C1orf21: variants seen among roughly 807,000 people sequenced by gnomAD.
The protein encoded by C1orf21 is chromosome 1 open reading frame 21.
In C1orf21, 3 loss-of-function variants were observed where a neutral mutation model predicts 18.7. The ratio of observed to expected loss-of-function variants is 0.16; its 90% CI spans 0.07 to 0.42. The LOEUF (loss-of-function observed/expected upper bound fraction) is 0.42, where lower values mean the gene tolerates loss of function less well. Ranked by LOEUF, C1orf21 falls within the 10% of genes least tolerant of loss-of-function variation. C1orf21 has a pLI of 0.99. For synonymous variants in C1orf21, 41 were observed against 46.4 expected (o/e 0.88, Z 0.47); for missense variants, 104 against 143.6 (o/e 0.72, Z 1.41).
chr1:184,559,765 A>T (rs1365300361), intron 3 of C1orf21, among the ~76,000 whole-genome samples: 1 of 151,986 alleles, frequency 6.6e-6, no homozygotes. Context: ...CTACAGGTGC[A>T]TGCCACCATG....
Position 184,621,535 on chromosome 1 carries a change from G to C in C1orf21, c.*1979G>C, listed in dbSNP as rs752680487. On this transcript the variant is annotated 3_prime_UTR_variant, in exon 6 of 6. Transcript: ENST00000235307. ...TTGTTCACTGGGGACTTTGCTTACC[G>C]TTCTGTGGGTGACCTTTTCCGGGAT... 1 of 152,566 alleles carries C rather than the reference G, an allele frequency of 6.6e-6. No homozygotes were observed. Among genetic ancestry groups the C allele is most frequent in the East Asian group, 1.9e-4 (1 of 5,194 alleles). The allele number at this position is 152,566 out of a possible 1,614,324, so 9.5% of individuals were successfully genotyped here. A position where few individuals can be genotyped will look rare whatever the true frequency, so the allele number is the denominator to read the frequency against.
chr1:184,401,788 AAAC>A (rs1656156802), intron 1 of C1orf21, among the ~76,000 whole-genome samples: 1 of 151,726 alleles, frequency 6.6e-6, no homozygotes, highest in East Asian at 1.9e-4. Context: ...CAAAAAAAAA[AAAC>A]CCAGGTGAAA....
At chr1:184,488,798 C>G (rs1408776142) in intron 2 of C1orf21, among the ~76,000 whole-genome samples, 1 of 152,168 alleles carries the variant, frequency 6.6e-6, no homozygotes, top group Non-Finnish European at 1.5e-5. Flanking sequence ...AATCCTGTCT[C>G]TACTAAAATA....
chr1:184,491,971 A>G (rs1657822704), intron 2 of C1orf21, among the ~76,000 whole-genome samples: 1 of 152,246 alleles, frequency 6.6e-6, no homozygotes, highest in African/African-American at 2.4e-5. Flanking sequence ...AGCATGATGC[A>G]GAGTTTGACA....
intron 3 of C1orf21, among the ~76,000 whole-genome samples, chr1:184,529,519 G>C (rs1009338996): frequency 6.6e-6 from 1 of 152,292 alleles, no homozygotes. Context: ...TACTTAACAG[G>C]AAGTTGCATA....
At chr1:184,410,652 TATATATATATA>T (rs1449802142) in intron 1 of C1orf21, among the ~76,000 whole-genome samples, 132 of 7,138 alleles carry the variant, frequency 0.018, 14 homozygotes, top group South Asian at 0.029. Flanking sequence ...TATATATATA[TATATATATATA>T]TTTTTTTTTT....
At chr1:184,407,908 G>A (rs1424490662) in intron 1 of C1orf21, among the ~76,000 whole-genome samples, 1 of 152,174 alleles carries the variant, frequency 6.6e-6, no homozygotes, top group African/African-American at 2.4e-5. Flanking sequence ...GTTTGAAAAG[G>A]TCCCATGGTC....
At chr1:184,587,849 A>G (rs1331171778) in intron 3 of C1orf21, among the ~76,000 whole-genome samples, 1 of 152,030 alleles carries the variant, frequency 6.6e-6, no homozygotes, top group Admixed American at 6.6e-5. Context: ...TCCTGACCTC[A>G]CATAATCTGC....
intron 3 of C1orf21, among the ~76,000 whole-genome samples, chr1:184,509,861 A>G (rs761568881): frequency 2.6e-5 from 4 of 152,190 alleles, no homozygotes; most frequent in Non-Finnish European, 5.9e-5. Context: ...GTATGGCATG[A>G]TGGTGAGGAC....
chr1:184,415,486 T>C lies in C1orf21; in HGVS notation c.-125+28118T>C, dbSNP rs529892787. ...GCTTATTTTGCGTGTTCTGTTCTGATGGAGGTGGTCTGTGAGCCACATTGC... is the reference window on the plus strand; with the variant it reads ...GCTTATTTTGCGTGTTCTGTTCTGACGGAGGTGGTCTGTGAGCCACATTGC... On this transcript the variant is annotated intron_variant, in intron 1 of 5. Transcript: ENST00000235307. 1.9e-4 allele frequency among the ~76,000 whole-genome samples: 29 copies of C among 152,330 alleles called. 1 individual carries two copies. In the South Asian group the frequency reaches 6.0e-3, roughly 32 times the overall value.
chr1:184,556,067 C>G (rs1658874758), intron 3 of C1orf21, among the ~76,000 whole-genome samples: 1 of 152,120 alleles, frequency 6.6e-6, no homozygotes, highest in South Asian at 2.1e-4. Context: ...CCCTCACCAC[C>G]CCCCCAACCC....
At chr1:184,410,649 ATATATATATATATAT>A (rs1428450129) in intron 1 of C1orf21, among the ~76,000 whole-genome samples, 103 of 5,592 alleles carry the variant, frequency 0.018, 32 homozygotes, top group African/African-American at 0.1. Flanking sequence ...ATATATATAT[ATATATATATATATAT>A]TTTTTTTTTT....
chr1:184,616,278 T>G (rs1558015814), intron 5 of C1orf21, among the ~76,000 whole-genome samples: 3 of 152,224 alleles, frequency 2.0e-5, no homozygotes, highest in Non-Finnish European at 4.4e-5. Flanking sequence ...TTGAATTTAG[T>G]TACCAAATCA....
At position 184,595,314 on chromosome 1, in the gene C1orf21, A is replaced by G. The variant is rs577645632; in HGVS notation, c.267-3087A>G. On this transcript the variant is annotated intron_variant, in intron 4 of 5. Transcript: ENST00000235307. ...CAGTGATCCTTTTCTAATATCTTGA[A>G]AAAAGAAAAGCCAGTGAGCTTTTCC... Among the ~76,000 whole-genome samples, 6 of 152,356 alleles carry G rather than the reference A, an allele frequency of 3.9e-5. No individual in the cohort carries two copies. In the South Asian group the frequency reaches 1.0e-3, roughly 26 times the overall value.
At chr1:184,532,989 A>G (rs1658490186) in intron 3 of C1orf21, among the ~76,000 whole-genome samples, 2 of 152,198 alleles carry the variant, frequency 1.3e-5, no homozygotes, top group Non-Finnish European at 2.9e-5. Flanking sequence ...TCTTACCACC[A>G]TCATGAGTAT....
intron 3 of C1orf21, among the ~76,000 whole-genome samples, chr1:184,554,237 A>G (rs986775382): frequency 6.6e-6 from 1 of 152,136 alleles, no homozygotes; most frequent in Admixed American, 6.5e-5. Flanking sequence ...GTAATTTGTA[A>G]GGGATCTATA....
At chr1:184,499,209 T>C (rs1657936596) in intron 2 of C1orf21, among the ~76,000 whole-genome samples, 1 of 152,150 alleles carries the variant, frequency 6.6e-6, no homozygotes, top group Non-Finnish European at 1.5e-5. Context: ...AAAATATCCT[T>C]GATTTTATTG....
Position 184,627,954 on chromosome 1 carries a change from A to G in C1orf21, c.*8398A>G, listed in dbSNP as rs1660044600. ...GAAGGGATCAAAATGCCTCCATGCC[A>G]GTTGTTAATGGCTACATATTTGCCC... is the stretch of plus-strand genomic sequence containing the variant. On this transcript the variant is annotated 3_prime_UTR_variant, in exon 6 of 6. Transcript: ENST00000235307. 1 of 152,246 alleles carries G rather than the reference A, an allele frequency of 6.6e-6. No individual in the cohort carries two copies. The allele number at this position is 152,246 out of a possible 1,614,324, so 9.4% of individuals were successfully genotyped here. A position where few individuals can be genotyped will look rare whatever the true frequency, so the allele number is the denominator to read the frequency against.
At chr1:184,601,386 A>G (rs991425066) in intron 5 of C1orf21, among the ~76,000 whole-genome samples, 9 of 152,204 alleles carry the variant, frequency 5.9e-5, no homozygotes, top group African/African-American at 2.2e-4. Context: ...TTTCTGCTCT[A>G]TCTCCCTCAA....
Sources: gnomAD v4.1 joint callset for allele counts (sites outside exome capture counted in the v4.1 genomes callset) on GRCh38, gnomAD v4.1.1 for gene constraint, MANE v1.5 for transcripts, NCBI Gene and HGNC (gene_info 2026-07-23, HGNC 2026-07-21) for gene names.